Variants in ANXA3 observed in about 807,000 individuals in gnomAD.
ANXA3 encodes the protein annexin A3.
In ANXA3, 46 loss-of-function variants were observed where a neutral mutation model predicts 48.8. The observed-to-expected ratio is 0.94, with a 90% confidence interval of 0.74 to 1.21. The LOEUF is 1.21. Among genes scored for constraint, ANXA3 ranks in the 50% most tolerant of loss-of-function variants. The pLI is 0.00. For synonymous variants in ANXA3, 128 were observed against 134.7 expected (o/e 0.95, Z 0.35); for missense variants, 383 against 378.6 (o/e 1.01, Z -0.10).
chr4:78,607,773 T>C (rs1186581722), intron 12 of ANXA3, among the ~76,000 whole-genome samples: 2 of 151,924 alleles, frequency 1.3e-5, no homozygotes, highest in African/African-American at 2.4e-5. Context: ...AGAAAAGAAG[T>C]TTGGGGTTAG....
At chr4:78,592,398 G>C (rs1013279271) in intron 7 of ANXA3, among the ~76,000 whole-genome samples, 5 of 152,224 alleles carry the variant, frequency 3.3e-5, no homozygotes, top group African/African-American at 1.2e-4. Flanking sequence ...GAGGCATTAT[G>C]CCATTAGGAA....
chr4:78,565,523 A>AG (rs1722712591), intron 2 of ANXA3, among the ~76,000 whole-genome samples: 1 of 152,210 alleles, frequency 6.6e-6, no homozygotes, highest in Non-Finnish European at 1.5e-5. Context: ...AAGGAATCAA[A>AG]GGGGACTCCC....
intron 2 of ANXA3, among the ~76,000 whole-genome samples, chr4:78,565,190 C>T (rs1722706701): frequency 6.6e-6 from 1 of 152,040 alleles, no homozygotes; most frequent in Admixed American, 6.6e-5. Context: ...GGCAGAGTTT[C>T]ATCATATTGG....
chr4:78,578,181 T>A (rs1332506039), intron 3 of ANXA3, among the ~76,000 whole-genome samples: 1 of 151,448 alleles, frequency 6.6e-6, no homozygotes, highest in South Asian at 2.1e-4. Context: ...CTTGGGAGAC[T>A]GAGGCAGGAG....
intron 10 of ANXA3, among the ~76,000 whole-genome samples, chr4:78,600,421 T>C (rs1723509914): frequency 6.6e-6 from 1 of 152,164 alleles, no homozygotes; most frequent in African/African-American, 2.4e-5. Context: ...ACAAATCTAG[T>C]TGGCAGGGAG....
intron 3 of ANXA3, among the ~76,000 whole-genome samples, chr4:78,576,816 A>C (rs775175715): frequency 6.6e-6 from 1 of 152,220 alleles, no homozygotes; most frequent in Non-Finnish European, 1.5e-5. Flanking sequence ...GGGATGGGTC[A>C]GACACAGTCT....
chr4:78,582,408 C>T (rs1723091055), intron 5 of ANXA3, 118 bp downstream of exon 5: 1 of 629,646 alleles, frequency 1.6e-6, no homozygotes, highest in Non-Finnish European at 2.9e-6. Context: ...GGTCTGGACT[C>T]TCCCAGTGGT....
chr4:78,586,054 A>G (rs1424302402), intron 5 of ANXA3, among the ~76,000 whole-genome samples: 1 of 152,174 alleles, frequency 6.6e-6, no homozygotes, highest in African/African-American at 2.4e-5. Flanking sequence ...TTCACACTAG[A>G]GTGAAAAATT....
intron 7 of ANXA3, among the ~76,000 whole-genome samples, chr4:78,592,040 A>G (rs1723308056): frequency 6.6e-6 from 1 of 152,244 alleles, no homozygotes. Flanking sequence ...ATGATACAGA[A>G]GAATGATCTT....
chr4:78,555,267 A>G (rs7691521), intron 2 of ANXA3, among the ~76,000 whole-genome samples: 122,284 of 152,118 alleles, frequency 0.8, 49,237 homozygotes, highest in East Asian at 0.88. Flanking sequence ...AGTGGGGAAG[A>G]TGCTTACAAC....
At chr4:78,581,982 C>T (rs982038000) in intron 4 of ANXA3, among the ~76,000 whole-genome samples, 195 bp from the exon 5 acceptor site, 3 of 152,190 alleles carry the variant, frequency 2.0e-5, no homozygotes, top group African/African-American at 7.2e-5. Flanking sequence ...AAAACCTCTA[C>T]AAAACAGAAC....
intron 3 of ANXA3, among the ~76,000 whole-genome samples, chr4:78,575,680 T>C (rs1722934485): frequency 6.6e-6 from 1 of 152,362 alleles, no homozygotes; most frequent in East Asian, 1.9e-4. Flanking sequence ...CAACGTGAAA[T>C]GGATTAATAC....
chr4:78,558,683 T>C (rs903166297), intron 2 of ANXA3, among the ~76,000 whole-genome samples: 2 of 152,254 alleles, frequency 1.3e-5, no homozygotes, highest in Admixed American at 1.3e-4. Context: ...CAACAATCTA[T>C]GTTGCATTAG....
chr4:78,604,255 G>T, intron 11 of ANXA3, 22 bp from the exon 12 acceptor site: 1 of 1,585,182 alleles, frequency 6.3e-7, no homozygotes, highest in South Asian at 1.1e-5. Flanking sequence ...TTTGTGTTGT[G>T]AACACCTGCA....
chr4:78,574,181 G>C (rs191919117), intron 3 of ANXA3, among the ~76,000 whole-genome samples: 4 of 152,294 alleles, frequency 2.6e-5, no homozygotes, highest in African/African-American at 9.6e-5. Flanking sequence ...CACTTTGGGA[G>C]GGGGAGGCAG....
chr4:78,579,821 C>T (rs1027286990), intron 4 of ANXA3, among the ~76,000 whole-genome samples: 1 of 151,942 alleles, frequency 6.6e-6, no homozygotes, highest in African/African-American at 2.4e-5. Context: ...CTCAGCTACT[C>T]GGGAGGCTGA....
rs1723703868 is a variant in ANXA3 at position 78,608,924 on chromosome 4, C to T, written c.913-1132C>T. On this transcript the variant is annotated intron_variant, in intron 12 of 12. Coordinates refer to ENST00000264908, the MANE Select transcript of ANXA3 (RefSeq NM_005139.3). ...TGGTAGAACGCCTAATTGTTTACAA[C>T]TCTGATCAGAGATGTCTAGAAGGAG... Among the ~76,000 whole-genome samples the T allele has an allele frequency of 2.6e-5, 4 of 152,276 alleles. No individual in the cohort carries two copies. In the South Asian group the frequency reaches 8.3e-4, roughly 32 times the overall value.
chr4:78,572,809 A>G (rs960092012), intron 2 of ANXA3, among the ~76,000 whole-genome samples: 1 of 152,202 alleles, frequency 6.6e-6, no homozygotes, highest in South Asian at 2.1e-4. Flanking sequence ...TCTTAGTAAA[A>G]TTCAGGCCCC....
At chr4:78,558,645 T>TG (rs1722566156) in intron 2 of ANXA3, among the ~76,000 whole-genome samples, 1 of 152,244 alleles carries the variant, frequency 6.6e-6, no homozygotes, top group Admixed American at 6.5e-5. Context: ...CTAGGAGTGT[T>TG]GCAACCCTAC....
Sources: gnomAD v4.1 joint callset for allele counts (sites outside exome capture counted in the v4.1 genomes callset) on GRCh38, gnomAD v4.1.1 for gene constraint, MANE v1.5 for transcripts, NCBI Gene and HGNC (gene_info 2026-07-23, HGNC 2026-07-21) for gene names.